Variants in SNX29 observed in about 807,000 individuals in gnomAD.
SNX29 encodes the protein sorting nexin-29.
A neutral mutation model predicts 102.1 loss-of-function variants in SNX29; 78 were observed. That is an observed-to-expected ratio of 0.76 (90% CI 0.64 to 0.92). The LOEUF (loss-of-function observed/expected upper bound fraction) is 0.92, where lower values mean the gene tolerates loss of function less well. Among genes scored for constraint, SNX29 ranks in the 40% least tolerant of loss-of-function variants. The probability of loss-of-function intolerance (pLI) is 0.00; values close to 1 mark genes in which losing one functional copy is unlikely to be tolerated. For synonymous variants in SNX29, 580 were observed against 414.5 expected (o/e 1.40, Z -4.85); for missense variants, 1,280 against 1,061.7 (o/e 1.21, Z -2.86).
In SNX29 at chr16:12,096,135, GC is replaced by G. The variant is rs1390113206; in HGVS notation, c.1402+17222del. Among the ~76,000 whole-genome samples the G allele has an allele frequency of 2.6e-5, 4 of 152,216 alleles. No individual in the cohort carries two copies. The highest frequency in any genetic ancestry group is 2.6e-4 in the Admixed American group (4 of 15,278). On this transcript the variant is annotated intron_variant, in intron 11 of 20. Coordinates refer to ENST00000566228, the MANE Select transcript of SNX29 (RefSeq NM_032167.5). This position sits in a 1 kb window ranked among gnomAD's most constrained non-coding sequence, Gnocchi z 4.2. The stretch of plus-strand genomic sequence containing the variant: ...AGTCTGAGCCCCCTGCCCCTTAACT[GC>G]CGAGAAGTGAACCTAGGTGACGTGG...
intron 20 of SNX29, among the ~76,000 whole-genome samples, chr16:12,567,564 A>G (rs1345424822): frequency 6.6e-6 from 1 of 152,004 alleles, no homozygotes; most frequent in African/African-American, 2.4e-5. Flanking sequence ...CAAGAGGATC[A>G]CTTGAGACCA....
intron 20 of SNX29, among the ~76,000 whole-genome samples, chr16:12,560,017 G>C (rs1481331389): frequency 6.6e-6 from 1 of 152,154 alleles, no homozygotes; most frequent in Non-Finnish European, 1.5e-5. Flanking sequence ...TTACATTTTG[G>C]AAGACTTAGT....
At chr16:12,555,562 C>G (rs1597998012) in intron 20 of SNX29, among the ~76,000 whole-genome samples, 2 of 150,704 alleles carry the variant, frequency 1.3e-5, no homozygotes, top group Admixed American at 1.3e-4. Flanking sequence ...TTTGAGCACC[C>G]TCATCTCTCA....
chr16:11,992,406 CTCTA>C (rs35986807), intron 1 of SNX29, among the ~76,000 whole-genome samples: 65,951 of 151,494 alleles, frequency 0.44, 15,989 homozygotes, highest in Non-Finnish European at 0.55. Context: ...GCAATCAGCC[CTCTA>C]TCTAGTTTCA....
At chr16:12,024,475 G>A (rs1035233551) in intron 3 of SNX29, among the ~76,000 whole-genome samples, 2 of 152,134 alleles carry the variant, frequency 1.3e-5, no homozygotes, top group Non-Finnish European at 2.9e-5. Context: ...CAGTAGATAC[G>A]TGCTCAGATC....
chr16:12,531,762 C>G (rs534779916), intron 20 of SNX29, among the ~76,000 whole-genome samples: 164 of 152,314 alleles, frequency 1.1e-3, no homozygotes, highest in African/African-American at 3.7e-3. Context: ...GGGTCAGAAA[C>G]TGGTCTACGT....
At chr16:11,982,645 G>A (rs978398116) in intron 1 of SNX29, among the ~76,000 whole-genome samples, 1 of 151,950 alleles carries the variant, frequency 6.6e-6, no homozygotes, top group Admixed American at 6.6e-5. Context: ...TAGCCAGGAC[G>A]GTCTCGATCT....
intron 1 of SNX29, chr16:11,977,800 G>GT (rs2150954425): frequency 6.6e-6 from 1 of 152,404 alleles, no homozygotes; most frequent in African/African-American, 2.4e-5. Flanking sequence ...CCTGGGTGTT[G>GT]TATGTGGAGA....
At chr16:12,014,395 G>T (rs2056778335) in intron 3 of SNX29, among the ~76,000 whole-genome samples, 1 of 152,008 alleles carries the variant, frequency 6.6e-6, no homozygotes, top group Admixed American at 6.6e-5. Context: ...TTGGAGATCT[G>T]TCTATACCAG....
chr16:12,270,367 C>T (rs8056471), intron 14 of SNX29, among the ~76,000 whole-genome samples: 6,604 of 152,128 alleles, frequency 0.043, 517 homozygotes, highest in African/African-American at 0.15. Context: ...GTTATTTTTG[C>T]CTCTCAAATG....
intron 15 of SNX29, among the ~76,000 whole-genome samples, chr16:12,328,800 T>G (rs555684612): frequency 6.6e-6 from 1 of 152,312 alleles, no homozygotes; most frequent in East Asian, 1.9e-4. Flanking sequence ...TTTAAATGAT[T>G]TAGGCAAAGA....
At chr16:12,033,610 CTTTTTTTTTT>C (rs869128492) in intron 4 of SNX29, among the ~76,000 whole-genome samples, 6 of 140,132 alleles carry the variant, frequency 4.3e-5, no homozygotes, top group Non-Finnish European at 9.4e-5. Context: ...TTTCTTTTTT[CTTTTTTTTTT>C]TTTTTGAGAT....
intron 18 of SNX29, among the ~76,000 whole-genome samples, chr16:12,472,970 T>C (rs755826200): frequency 6.6e-5 from 10 of 152,162 alleles, no homozygotes; most frequent in African/African-American, 2.4e-4. Flanking sequence ...TTTTTATTGC[T>C]TGTTTTAAAA....
chr16:12,470,032 A>C (rs577222854), intron 18 of SNX29, among the ~76,000 whole-genome samples: 1 of 152,166 alleles, frequency 6.6e-6, no homozygotes, highest in African/African-American at 2.4e-5. Context: ...AAAATAAATA[A>C]ATAAATAAAT....
chr16:12,105,590 A>G (rs1299448307), intron 11 of SNX29, among the ~76,000 whole-genome samples: 1 of 152,034 alleles, frequency 6.6e-6, no homozygotes, highest in African/African-American at 2.4e-5. Context: ...TTAAAGAGTG[A>G]CCCTTATTAG....
chr16:12,385,609 G>A (rs1366401117), intron 16 of SNX29, among the ~76,000 whole-genome samples: 2 of 152,216 alleles, frequency 1.3e-5, no homozygotes, highest in South Asian at 2.1e-4. Context: ...TGAGGGGGCT[G>A]TAGTTACCTC....
At chr16:12,304,691 C>G (rs973109655) in intron 15 of SNX29, among the ~76,000 whole-genome samples, 4 of 152,190 alleles carry the variant, frequency 2.6e-5, no homozygotes, top group Non-Finnish European at 5.9e-5. Flanking sequence ...CCACACCTGG[C>G]CAGCTTCACT....
At chr16:12,157,204 A>C (rs770083025) in intron 13 of SNX29, among the ~76,000 whole-genome samples, 1 of 152,226 alleles carries the variant, frequency 6.6e-6, no homozygotes, top group African/African-American at 2.4e-5. Flanking sequence ...CACCCCCCAT[A>C]GGCTGATGGT....
At chr16:12,523,830 C>T (rs535298799) in intron 19 of SNX29, among the ~76,000 whole-genome samples, 2 of 152,342 alleles carry the variant, frequency 1.3e-5, no homozygotes, top group East Asian at 3.9e-4. Flanking sequence ...GGCCACGCTG[C>T]ACAGCCCAGC....
Sources: gnomAD v4.1 joint callset for allele counts (sites outside exome capture counted in the v4.1 genomes callset) on GRCh38, gnomAD v4.1.1 for gene constraint, Gnocchi (gnomAD v3.1) non-coding constraint, MANE v1.5 for transcripts, NCBI Gene and HGNC (gene_info 2026-07-23, HGNC 2026-07-21) for gene names.